IL1RAPL1: variants seen among roughly 807,000 people sequenced by gnomAD.
The protein encoded by IL1RAPL1 is interleukin 1 receptor accessory protein like 1.
IL1RAPL1 carries 3 observed loss-of-function variants against 48.4 expected under a neutral mutation model. The ratio of observed to expected loss-of-function variants is 0.06; its 90% confidence interval spans 0.03 to 0.16. The LOEUF (loss-of-function observed/expected upper bound fraction) is 0.16. Ranked by LOEUF, IL1RAPL1 falls within the 10% of genes least tolerant of loss-of-function variation. The probability of loss-of-function intolerance (pLI) is 1.00; values close to 1 mark genes in which losing one functional copy is unlikely to be tolerated. For missense variants in IL1RAPL1, 349 were observed against 530.6 expected, an observed-to-expected ratio of 0.66 and a Z score of 3.36; for synonymous variants, 185 against 187.7, an observed-to-expected ratio of 0.99 and a Z score of 0.12.
At chrX:29,289,526 T>A (rs1932338947) in intron 3 of IL1RAPL1, among the ~76,000 whole-genome samples, 1 of 112,414 alleles carries the variant, frequency 8.9e-6, no homozygotes, top group African/African-American at 3.2e-5. Flanking sequence ...TTTATATGTC[T>A]TTTTAAAGAT....
intron 6 of IL1RAPL1, among the ~76,000 whole-genome samples, chrX:29,726,910 G>A (rs1384358757): frequency 8.9e-6 from 1 of 112,023 alleles, no homozygotes; most frequent in African/African-American, 3.2e-5. Context: ...GATGTGTTGA[G>A]GTTAAACTGA....
At chrX:29,925,412 GTTTTTTTTTTTTTTTTT>G (rs763481708) in intron 8 of IL1RAPL1, among the ~76,000 whole-genome samples, 4 of 11,468 alleles carry the variant, frequency 3.5e-4, no homozygotes, top group Admixed American at 1.7e-3. Context: ...TCCCGTAACT[GTTTTTTTTTTTTTTTTT>G]TTTTTTTTTT....
At chrX:29,532,757 C>T (rs1423664063) in intron 5 of IL1RAPL1, among the ~76,000 whole-genome samples, 2 of 112,137 alleles carry the variant, frequency 1.8e-5, no homozygotes, top group South Asian at 7.4e-4. Context: ...GATACCAGTG[C>T]CCATGATGGC....
intron 3 of IL1RAPL1, among the ~76,000 whole-genome samples, chrX:29,333,491 C>A (rs1272945969): frequency 4.6e-4 from 34 of 74,606 alleles, no homozygotes; most frequent in South Asian, 7.1e-4. Context: ...CGGGCAGAGG[C>A]GCCCCTCACC....
chrX:29,220,191 T>A (rs766553194), intron 2 of IL1RAPL1, among the ~76,000 whole-genome samples: 20 of 112,228 alleles, frequency 1.8e-4, no homozygotes, highest in Non-Finnish European at 2.3e-4. Flanking sequence ...GGTTGAAAAT[T>A]AAATACTATT....
intron 1 of IL1RAPL1, among the ~76,000 whole-genome samples, chrX:28,718,548 G>T (rs1935532140): frequency 9.0e-6 from 1 of 111,461 alleles, no homozygotes; most frequent in Admixed American, 9.6e-5. Flanking sequence ...AAACTTCTCT[G>T]TAAGTGAAAG....
chrX:29,352,689 C>T (rs1412381257), intron 3 of IL1RAPL1, among the ~76,000 whole-genome samples: 1 of 100,714 alleles, frequency 9.9e-6, no homozygotes, highest in Non-Finnish European at 2.0e-5. Context: ...GGATCAGTGT[C>T]CTCAGGAAAA....
At chrX:29,076,798 GTCTGTCTATCTA>G (rs1265937922) in intron 2 of IL1RAPL1, among the ~76,000 whole-genome samples, 8 of 85,302 alleles carry the variant, frequency 9.4e-5, no homozygotes, top group Admixed American at 2.7e-4. Context: ...CTGTCTGTCT[GTCTGTCTATCTA>G]TCTATCTATC....
At chrX:29,617,274 T>G (rs985618731) in intron 5 of IL1RAPL1, among the ~76,000 whole-genome samples, 1 of 112,536 alleles carries the variant, frequency 8.9e-6, no homozygotes, top group Non-Finnish European at 1.9e-5. Flanking sequence ...AGAGTTTCCT[T>G]TCATTCATTG....
At chrX:29,100,627 A>G (rs1340324710) in intron 2 of IL1RAPL1, among the ~76,000 whole-genome samples, 1 of 112,136 alleles carries the variant, frequency 8.9e-6, no homozygotes, top group Non-Finnish European at 1.9e-5. Flanking sequence ...AACATGTGGT[A>G]GTTAGACCCT....
chrX:29,005,732 T>C (rs1283459223), intron 2 of IL1RAPL1, among the ~76,000 whole-genome samples: 1 of 111,751 alleles, frequency 8.9e-6, no homozygotes, highest in Non-Finnish European at 1.9e-5. Context: ...AAAGTCATAA[T>C]AAAAGGCCAG....
chrX:29,097,656 T>C (rs191516078), intron 2 of IL1RAPL1, among the ~76,000 whole-genome samples: 257 of 109,924 alleles, frequency 2.3e-3, no homozygotes, highest in Non-Finnish European at 3.8e-3. Context: ...TGATGGTCTA[T>C]ATTTTATTGG....
chrX:29,221,610 TACACACACATAC>T (rs763866172), intron 2 of IL1RAPL1, among the ~76,000 whole-genome samples: 1,578 of 61,769 alleles, frequency 0.026, 14 homozygotes, highest in Middle Eastern at 0.051. Context: ...GAGCAATGTA[TACACACACATAC>T]ACACACACAC....
intron 6 of IL1RAPL1, among the ~76,000 whole-genome samples, chrX:29,820,846 T>A (rs975997517): frequency 8.9e-6 from 1 of 112,195 alleles, no homozygotes; most frequent in Non-Finnish European, 1.9e-5. Context: ...AGTTTTCCAC[T>A]GATACACTAG....
chrX:28,887,094 C>A (rs1200398414), intron 2 of IL1RAPL1, among the ~76,000 whole-genome samples: 1 of 111,679 alleles, frequency 9.0e-6, no homozygotes, highest in Non-Finnish European at 1.9e-5. Context: ...GGCTCGAATG[C>A]CTCCTCCACA....
intron 5 of IL1RAPL1, among the ~76,000 whole-genome samples, chrX:29,493,141 T>C (rs946911478): frequency 8.9e-6 from 1 of 112,072 alleles, no homozygotes; most frequent in African/African-American, 3.2e-5. Context: ...CAGTTAAATT[T>C]GTGTTTATTC....
At chrX:28,959,298 ACT>A (rs1332758950) in intron 2 of IL1RAPL1, among the ~76,000 whole-genome samples, 1 of 111,148 alleles carries the variant, frequency 9.0e-6, no homozygotes, top group Non-Finnish European at 1.9e-5. Flanking sequence ...ATATTTTAAC[ACT>A]CTCATTTATA....
intron 6 of IL1RAPL1, among the ~76,000 whole-genome samples, chrX:29,859,762 A>G (rs1022413776): frequency 2.3e-4 from 26 of 112,264 alleles, no homozygotes; most frequent in Non-Finnish European, 9.4e-5. Flanking sequence ...ATAAGACATT[A>G]TTGATAAAAT....
intron 2 of IL1RAPL1, among the ~76,000 whole-genome samples, chrX:29,252,317 A>T (rs942742294): frequency 3.5e-5 from 4 of 113,712 alleles, no homozygotes; most frequent in Non-Finnish European, 7.5e-5. Flanking sequence ...CATAGAGAAA[A>T]GATGGAAGCA....
Sources: gnomAD v4.1 joint callset for allele counts (sites outside exome capture counted in the v4.1 genomes callset) on GRCh38, gnomAD v4.1.1 for gene constraint, MANE v1.5 for transcripts, NCBI Gene and HGNC (gene_info 2026-07-23, HGNC 2026-07-21) for gene names.